Variants in UBE3B observed in about 807,000 individuals in gnomAD.
The protein encoded by UBE3B is ubiquitin-protein ligase E3B.
In UBE3B, 80 loss-of-function variants were observed where a neutral mutation model predicts 132.3. The observed-to-expected ratio is 0.60, with a 90% CI of 0.50 to 0.73. The LOEUF is 0.73. Among genes scored for constraint, UBE3B ranks in the 30% least tolerant of loss-of-function variants. The pLI is 0.00. For synonymous variants in UBE3B, 487 were observed against 520.4 expected (o/e 0.94, Z 0.87); for missense variants, 1,196 against 1,362.5 (o/e 0.88, Z 1.92).
chr12:109,544,125 CA>C, the UBE3B span, among the ~76,000 whole-genome samples: 7 of 152,168 alleles, frequency 4.6e-5, no homozygotes, highest in Non-Finnish European at 1.0e-4. Flanking sequence ...CCAGCAATAA[CA>C]ACAAAACAAC....
chr12:109,531,195 A>G (rs567769188), intron 26 of UBE3B, among the ~76,000 whole-genome samples: 24 of 152,160 alleles, frequency 1.6e-4, no homozygotes, highest in Admixed American at 1.4e-3. Flanking sequence ...GCTTAGGCTG[A>G]TATCAAGATG....
In UBE3B at chr12:109,497,812, G is replaced by T; in HGVS notation, c.714-6G>T. On this transcript the variant is annotated splice_polypyrimidine_tract_variant and splice_region_variant and intron_variant, in intron 9 of 27. Transcript: ENST00000342494. The stretch of plus-strand genomic sequence containing the variant: ...TGTCTGAATGAGTGGATCTATCTGT[G>T]TCTAGCCCTGTGATTGCTGCACAGT... The T allele has an allele frequency of 6.2e-7, 1 of 1,614,104 alleles. No homozygotes were observed. Among genetic ancestry groups the T allele is most frequent in the South Asian group, 1.1e-5 (1 of 91,078 alleles).
intron 18 of UBE3B, 55 bp from the exon 19 acceptor site, chr12:109,516,710 A>G (rs1881111174): frequency 3.8e-6 from 6 of 1,592,066 alleles, no homozygotes; most frequent in Non-Finnish European, 5.1e-6. Flanking sequence ...GAGTGTTTTT[A>G]TGGAATCGTC....
intron 15 of UBE3B, chr12:109,508,675 A>G: frequency 1.0e-6 from 1 of 985,638 alleles, no homozygotes; most frequent in Non-Finnish European, 1.2e-6. Context: ...AGGCAAGAGC[A>G]GGGGTCTAGC....
At chr12:109,484,026 A>C in intron 4 of UBE3B, 45 bp downstream of exon 4, 1 of 1,556,800 alleles carries the variant, frequency 6.4e-7, no homozygotes, top group Non-Finnish European at 8.7e-7. Context: ...CATATGTCAG[A>C]TCTTTTATAA....
chr12:109,501,262 C>T (rs969768532), intron 12 of UBE3B, 109 bp from the exon 13 acceptor site: 3 of 1,349,990 alleles, frequency 2.2e-6, no homozygotes, highest in African/African-American at 2.9e-5. Context: ...TGTTGAGTGC[C>T]AGGTCCTAGC....
chr12:109,523,444 A>C (rs1475947378), intron 21 of UBE3B, among the ~76,000 whole-genome samples: 2 of 152,084 alleles, frequency 1.3e-5, no homozygotes, highest in Admixed American at 1.3e-4. Flanking sequence ...CATAGCTTCC[A>C]TTGCTTCCGT....
intron 2 of UBE3B, among the ~76,000 whole-genome samples, chr12:109,482,428 A>G (rs1482331400): frequency 6.6e-6 from 1 of 152,118 alleles, no homozygotes; most frequent in Non-Finnish European, 1.5e-5. Flanking sequence ...GTCATGCAGT[A>G]TTTGCCTTTC....
At chr12:109,489,141 C>T (rs571286827) in intron 7 of UBE3B, among the ~76,000 whole-genome samples, 14 of 152,168 alleles carry the variant, frequency 9.2e-5, no homozygotes, top group East Asian at 1.9e-4. Flanking sequence ...TGCCTCTAGG[C>T]GCTGAAGACA....
At chr12:109,497,275 C>T (rs966977494) in intron 9 of UBE3B, among the ~76,000 whole-genome samples, 8 of 151,508 alleles carry the variant, frequency 5.3e-5, no homozygotes, top group South Asian at 4.2e-4. Flanking sequence ...GTTTATATTT[C>T]GAAACATTAT....
chr12:109,521,121 A>G lies in UBE3B; in HGVS notation c.2077-27A>G. ...GTGTGCATAAGGCTTTGGGCTTCCT[A>G]ATGGGCTGTAATTCTGCTCTTGGCA... is the stretch of plus-strand genomic sequence containing the variant. On this transcript the variant is annotated intron_variant, in intron 19 of 27. Transcript: ENST00000342494. This position sits in a 1 kb window ranked among gnomAD's most constrained non-coding sequence, Gnocchi z 4.2. The G allele has an allele frequency of 1.2e-6, 2 of 1,611,766 alleles. No individual in the cohort carries two copies. The highest frequency in any genetic ancestry group is 1.7e-6 in the Non-Finnish European group (2 of 1,178,288).
chr12:109,483,421 T>C (rs1875813633), intron 2 of UBE3B, 110 bp from the exon 3 acceptor site: 2 of 1,170,958 alleles, frequency 1.7e-6, no homozygotes, highest in Non-Finnish European at 2.3e-6. Flanking sequence ...TGACAGGTCC[T>C]GAGTATCTCT....
At chr12:109,520,983 A>T in intron 19 of UBE3B, 165 bp from the exon 20 acceptor site, 1 of 696,170 alleles carries the variant, frequency 1.4e-6, no homozygotes, top group Non-Finnish European at 2.3e-6. Context: ...TTTAATCAGC[A>T]CTCATTCAAA....
rs902364706 is a variant in UBE3B, at chr12:109,499,163, G to A, written c.941-470G>A. Among the ~76,000 whole-genome samples the A allele has an allele frequency of 6.6e-5, 10 of 152,276 alleles. No homozygotes were observed. The South Asian group carries it at 1.2e-3, about 19-fold the overall frequency. On this transcript the variant is annotated intron_variant, in intron 11 of 27. Coordinates refer to ENST00000342494, the MANE Select transcript of UBE3B (RefSeq NM_130466.4). The stretch of plus-strand genomic sequence containing the variant: ...TGGTGCGAATGTTCACACGAGTGAC[G>A]TTGACTAACTGGTGAACGTTGAATA...
At chr12:109,529,753 T>C (rs1882757514) in intron 24 of UBE3B, 137 bp from the exon 25 acceptor site, 5 of 985,102 alleles carry the variant, frequency 5.1e-6, no homozygotes, top group Middle Eastern at 2.2e-4. Flanking sequence ...ATTGTCATTG[T>C]TCTGATGAAA....
intron 6 of UBE3B, among the ~76,000 whole-genome samples, chr12:109,487,807 C>T (rs867791912): frequency 2.0e-5 from 3 of 152,182 alleles, no homozygotes; most frequent in East Asian, 1.9e-4. Flanking sequence ...GTTCATTTCC[C>T]ACGTGGCCTT....
intron 19 of UBE3B, among the ~76,000 whole-genome samples, chr12:109,518,982 G>A (rs1466670582): frequency 1.3e-5 from 2 of 152,090 alleles, no homozygotes. Context: ...TGCTCTCCTG[G>A]GCATTGTTTC....
chr12:109,501,081 A>C (rs1348745127), intron 12 of UBE3B, among the ~76,000 whole-genome samples: 1 of 152,152 alleles, frequency 6.6e-6, no homozygotes, highest in East Asian at 1.9e-4. Flanking sequence ...AGTGGGTACA[A>C]GATTGTTTTT....
chr12:109,518,945 G>A (rs962065190), intron 19 of UBE3B, among the ~76,000 whole-genome samples: 27 of 152,154 alleles, frequency 1.8e-4, no homozygotes, highest in East Asian at 3.9e-4. Context: ...GACACAAGGG[G>A]GCGTCAGTAA....
Sources: allele counts gnomAD v4.1 joint callset (sites outside exome capture counted in the v4.1 genomes callset), GRCh38; gene constraint gnomAD v4.1.1; non-coding constraint Gnocchi (gnomAD v3.1); transcripts MANE v1.5; gene names NCBI Gene and HGNC (gene_info 2026-07-23, HGNC 2026-07-21).